Variants in TRA2B observed in about 807,000 individuals in gnomAD.
The protein encoded by TRA2B is transformer-2 protein homolog beta.
TRA2B carries 14 observed loss-of-function variants against 41.7 expected under a neutral mutation model. That is an observed-to-expected ratio of 0.34 (90% CI 0.22 to 0.53). TRA2B has a LOEUF of 0.53. Among genes scored for constraint, TRA2B ranks in the 20% least tolerant of loss-of-function variants. The pLI is 0.95. For missense variants in TRA2B, 167 were observed against 396.8 expected (o/e 0.42, Z 4.92); for synonymous variants, 130 against 128.8 (o/e 1.01, Z -0.06).
chr3:185,924,284 CAT>C (rs1021010478), intron 3 of TRA2B: 1 of 246,148 alleles, frequency 4.1e-6, no homozygotes, highest in Non-Finnish European at 7.7e-6. Flanking sequence ...GAAAAATTCA[CAT>C]ATTCATAACA....
At position 185,923,782 on chromosome 3, in the gene TRA2B, G is replaced by C; in HGVS notation, c.522+14C>G. On this transcript the variant is annotated intron_variant, in intron 4 of 8. Coordinates refer to ENST00000453386, the MANE Select transcript of TRA2B (RefSeq NM_004593.3). ...TAGAACTGATGGTTTACAAAGGAACGGGCTTTTACTTACTTCCTTGGCATC... is the reference window on the plus strand; with the variant it reads ...TAGAACTGATGGTTTACAAAGGAACCGGCTTTTACTTACTTCCTTGGCATC... 2 of 1,596,434 alleles carry C rather than the reference G, an allele frequency of 1.3e-6. No individual in the cohort carries two copies. Among genetic ancestry groups the C allele is most frequent in the Non-Finnish European group, 1.7e-6 (2 of 1,172,210 alleles).
Position 185,937,817 on chromosome 3 carries a change from C to T in TRA2B, c.36+8G>A, listed in dbSNP as rs1744429645. The stretch of plus-strand genomic sequence containing the variant: ...CACACAGCCACCCCCTACCGCAGCT[C>T]TACGTACCCGCTCGCCGTAGTTCTG... On this transcript the variant is annotated splice_region_variant and intron_variant, in intron 1 of 8. Transcript: ENST00000453386. 1 of 1,614,054 alleles carries T rather than the reference C, an allele frequency of 6.2e-7. No homozygotes were observed.
chr3:185,920,169 T>C (rs1743663969), intron 6 of TRA2B, among the ~76,000 whole-genome samples: 1 of 152,220 alleles, frequency 6.6e-6, no homozygotes, highest in African/African-American at 2.4e-5. Context: ...CATACTAAAT[T>C]AACATCTTTA....
chr3:185,937,339 C>G, intron 1 of TRA2B: 1 of 990,976 alleles, frequency 1.0e-6, no homozygotes, highest in Non-Finnish European at 1.2e-6. Context: ...AAAAGAACGT[C>G]GTCTGTCCCC....
At position 185,937,963 on chromosome 3, in the gene TRA2B, T is replaced by C. The variant is rs1045451749; in HGVS notation, c.-103A>G. On this transcript the variant is annotated 5_prime_UTR_variant, in exon 1 of 9. Transcript: ENST00000453386. ...GCCGCAGCCCCGCACGACGCGCCGG[T>C]CGCCCAGCCGCTCAGAGCCGAAATG... The C allele has an allele frequency of 5.5e-6, 8 of 1,441,944 alleles. No individual in the cohort carries two copies. Among genetic ancestry groups the C allele is most frequent in the African/African-American group, 2.8e-5 (2 of 71,200 alleles). The allele number at this position is 1,441,944 out of a possible 1,614,324, so 89.3% of individuals were successfully genotyped here.
At position 185,935,916 on chromosome 3, in the gene TRA2B, T is replaced by G. The variant is rs1744334730; in HGVS notation, c.36+1909A>C. Reference sequence around the variant, plus strand: ...TATGTAAGAAAAAAAACTCAATTTTTAACACATTAAGTTAACCTCCCTCTA... The same window carrying G: ...TATGTAAGAAAAAAAACTCAATTTTGAACACATTAAGTTAACCTCCCTCTA... On this transcript the variant is annotated intron_variant, in intron 1 of 8. Transcript: ENST00000453386. 3.0e-6 allele frequency: 3 copies of G among 985,286 alleles called. No individual in the cohort carries two copies. In the South Asian group the frequency reaches 1.4e-4, roughly 46 times the overall value. The allele number at this position is 985,286 out of a possible 1,614,324, so 61.0% of individuals were successfully genotyped here.
At chr3:185,935,574 G>T in intron 1 of TRA2B, 2 of 985,420 alleles carry the variant, frequency 2.0e-6, no homozygotes, top group South Asian at 9.4e-5. Context: ...ATAAATAAGG[G>T]AGAATTCCAC....
At chr3:185,926,895 T>A (rs74755134) in intron 1 of TRA2B, 161 bp from the exon 2 acceptor site, 41 of 787,002 alleles carry the variant, frequency 5.2e-5, no homozygotes, top group Middle Eastern at 4.0e-4. Flanking sequence ...AATAGTTTCA[T>A]TGCTCCAAAT....
intron 1 of TRA2B, chr3:185,935,879 A>T (rs2150120208): frequency 2.0e-6 from 2 of 985,352 alleles, no homozygotes; most frequent in African/African-American, 3.5e-5. Flanking sequence ...TCGGCCAGAA[A>T]GCGAAGACTC....
chr3:185,921,644 G>C (rs574308143), intron 5 of TRA2B, among the ~76,000 whole-genome samples: 3 of 152,212 alleles, frequency 2.0e-5, no homozygotes, highest in African/African-American at 7.2e-5. Context: ...CGCGCCTGTA[G>C]TCCCAGCTAC....
intron 1 of TRA2B, chr3:185,929,095 G>A (rs1233732771): frequency 6.6e-6 from 1 of 152,182 alleles, no homozygotes; most frequent in Non-Finnish European, 1.5e-5. Context: ...CCAGGAATAA[G>A]GGAAATACCA....
At position 185,916,855 on chromosome 3, in the gene TRA2B, CAA is replaced by C. The variant is rs748616105; in HGVS notation, c.*858_*859del. 5 of 151,502 alleles carry C rather than the reference CAA, an allele frequency of 3.3e-5. No homozygotes were observed. Among genetic ancestry groups the C allele is most frequent in the Non-Finnish European group, 5.9e-5 (4 of 67,972 alleles). 9.4% of individuals were successfully genotyped at this position (151,502 alleles called of 1,614,324 possible). On this transcript the variant is annotated 3_prime_UTR_variant, in exon 9 of 9. Coordinates refer to ENST00000453386, the MANE Select transcript of TRA2B (RefSeq NM_004593.3). The stretch of plus-strand genomic sequence containing the variant: ...AAATAATATTTAAAAAATGAACAGG[CAA>C]AGTCTTCAGTTCATCCATGACAGGT...
At chr3:185,921,391 ACAC>A (rs1250364688) in intron 5 of TRA2B, among the ~76,000 whole-genome samples, 1 of 152,206 alleles carries the variant, frequency 6.6e-6, no homozygotes, top group Non-Finnish European at 1.5e-5. Context: ...TTAAGGAGGC[ACAC>A]AGATCCTGCC....
Position 185,937,964 on chromosome 3 carries a change from C to G in TRA2B, c.-104G>C. 2 of 1,428,164 alleles carry G rather than the reference C, an allele frequency of 1.4e-6. No individual in the cohort carries two copies. Among genetic ancestry groups the G allele is most frequent in the East Asian group, 2.4e-5 (1 of 41,678 alleles). 88.5% of individuals were successfully genotyped at this position (1,428,164 alleles called of 1,614,324 possible). A position where few individuals can be genotyped will look rare whatever the true frequency, so the allele number is the denominator to read the frequency against. The stretch of plus-strand genomic sequence containing the variant: ...CCGCAGCCCCGCACGACGCGCCGGT[C>G]GCCCAGCCGCTCAGAGCCGAAATGC... On this transcript the variant is annotated 5_prime_UTR_variant, in exon 1 of 9. Transcript: ENST00000453386.
chr3:185,925,238 A>C, intron 3 of TRA2B: 1 of 431,074 alleles, frequency 2.3e-6, no homozygotes, highest in Non-Finnish European at 4.1e-6. Context: ...TTGATGGGCT[A>C]AGGAGTTACA....
At position 185,921,040 on chromosome 3, in the gene TRA2B, G is replaced by C. The variant is rs1743714534; in HGVS notation, c.722+64C>G. ...GCTTTTAACAAAGGCTAAAACTTAA[G>C]CATAGTGCTGCTCTGTACACTGTAC... On this transcript the variant is annotated intron_variant, in intron 6 of 8. Coordinates refer to ENST00000453386, the MANE Select transcript of TRA2B (RefSeq NM_004593.3). 4 of 1,396,700 alleles carry C rather than the reference G, an allele frequency of 2.9e-6. No individual in the cohort carries two copies. The South Asian group carries it at 4.9e-5, about 17-fold the overall frequency. The allele number at this position is 1,396,700 out of a possible 1,614,324, so 86.5% of individuals were successfully genotyped here. A position where few individuals can be genotyped will look rare whatever the true frequency, so the allele number is the denominator to read the frequency against.
intron 6 of TRA2B, 24 bp downstream of exon 6, chr3:185,921,080 T>C (rs1743716503): frequency 1.2e-6 from 2 of 1,604,044 alleles, no homozygotes; most frequent in East Asian, 4.5e-5. Context: ...ATTCAGACGT[T>C]GACCTTTCTA....
intron 1 of TRA2B, chr3:185,934,860 C>A (rs1479940173): frequency 1.0e-6 from 1 of 985,422 alleles, no homozygotes; most frequent in Non-Finnish European, 1.2e-6. Flanking sequence ...GCAATCACAT[C>A]GGCTTTACAA....
intron 7 of TRA2B, 38 bp from the exon 8 acceptor site, chr3:185,918,476 A>T (rs1743589531): frequency 7.0e-7 from 1 of 1,435,600 alleles, no homozygotes; most frequent in Non-Finnish European, 9.8e-7. Context: ...GTCTCAATAG[A>T]TCACAATTAG....
Sources: gnomAD v4.1 joint callset for allele counts (sites outside exome capture counted in the v4.1 genomes callset) on GRCh38, gnomAD v4.1.1 for gene constraint, MANE v1.5 for transcripts, NCBI Gene and HGNC (gene_info 2026-07-23, HGNC 2026-07-21) for gene names.